The following CCDC102B variants were observed in gnomAD, a reference collection of about 807,000 sequenced individuals.
CCDC102B encodes the protein coiled-coil domain containing 102B, also known as coiled-coil domain-containing protein 102B.
In CCDC102B, 75 loss-of-function variants were observed where a neutral mutation model predicts 57.4. That is an observed-to-expected ratio of 1.31 (90% CI 1.08 to 1.58). The LOEUF (loss-of-function observed/expected upper bound fraction) is 1.58, where lower values mean the gene tolerates loss of function less well. CCDC102B is among the 40% of genes most tolerant of loss of function. CCDC102B has a pLI of 0.00. For synonymous variants in CCDC102B, 206 were observed against 201.9 expected, an observed-to-expected ratio of 1.02 and a Z score of -0.17; for missense variants, 636 against 582.6, an observed-to-expected ratio of 1.09 and a Z score of -0.94.
upstream of CCDC102B, among the ~76,000 whole-genome samples, chr18:68,796,032 T>TGAA (rs1232681793): frequency 6.6e-6 from 1 of 152,180 alleles, no homozygotes; most frequent in Admixed American, 6.5e-5. Context: ...CAATGTATTA[T>TGAA]GAAGAAGGGA....
At chr18:68,779,429 A>G (rs1301203929) in intron 2 of CCDC102B, among the ~76,000 whole-genome samples, 1 of 152,184 alleles carries the variant, frequency 6.6e-6, no homozygotes, top group Admixed American at 6.6e-5. Flanking sequence ...TTAGTACAAA[A>G]TTGCTTAAGG....
At chr18:68,978,550 C>T (rs1211870201) in intron 6 of CCDC102B, among the ~76,000 whole-genome samples, 1 of 151,838 alleles carries the variant, frequency 6.6e-6, no homozygotes, top group African/African-American at 2.4e-5. Flanking sequence ...ACACTTCAAA[C>T]TAAGAACAAA....
intron 2 of CCDC102B, among the ~76,000 whole-genome samples, chr18:68,718,304 T>C (rs2145179280): frequency 1.3e-5 from 2 of 152,320 alleles, no homozygotes; most frequent in Middle Eastern, 6.8e-3. Flanking sequence ...AGATAAATTG[T>C]GCTGTAATCC....
intron 2 of CCDC102B, among the ~76,000 whole-genome samples, chr18:68,721,974 G>A (rs2032354540): frequency 6.6e-6 from 1 of 152,184 alleles, no homozygotes. Context: ...CTACAACTAA[G>A]AAGATAATTC....
At chr18:68,783,445 C>A (rs1326807880) in intron 2 of CCDC102B, among the ~76,000 whole-genome samples, 2 of 152,150 alleles carry the variant, frequency 1.3e-5, no homozygotes, top group Non-Finnish European at 2.9e-5. Context: ...TAGACTCTGC[C>A]GTCCAAGCAG....
At chr18:68,742,600 A>G (rs2033439434) in intron 2 of CCDC102B, among the ~76,000 whole-genome samples, 1 of 152,186 alleles carries the variant, frequency 6.6e-6, no homozygotes, top group Non-Finnish European at 1.5e-5. Flanking sequence ...CGTACTGTAA[A>G]TTTAATTGGT....
Position 69,032,409 on chromosome 18 carries a change from C to G in CCDC102B, c.1434+21305C>G, listed in dbSNP as rs375532268. 1.6e-4 allele frequency among the ~76,000 whole-genome samples: 24 copies of G among 152,228 alleles called. No individual in the cohort carries two copies. In the East Asian group the frequency reaches 1.9e-3, roughly 12 times the overall value. On this transcript the variant is annotated intron_variant, in intron 7 of 7. Coordinates refer to ENST00000360242, the MANE Select transcript of CCDC102B (RefSeq NM_024781.3). The stretch of plus-strand genomic sequence containing the variant: ...TATTATCTGACAATATTTTGTCTTC[C>G]TTTGGTGTTGGACAATAGTGTTATT...
chr18:69,029,999 G>A (rs2052096026), intron 7 of CCDC102B, among the ~76,000 whole-genome samples: 1 of 152,040 alleles, frequency 6.6e-6, no homozygotes, highest in African/African-American at 2.4e-5. Flanking sequence ...GTGATGTCTT[G>A]CAATTAAACC....
chr18:68,744,746 G>C (rs1439252000), intron 2 of CCDC102B, among the ~76,000 whole-genome samples: 1 of 152,174 alleles, frequency 6.6e-6, no homozygotes. Flanking sequence ...CAAGACCCCA[G>C]AGATGGTGGA....
chr18:68,784,190 T>C (rs567349), intron 2 of CCDC102B, among the ~76,000 whole-genome samples: 10,665 of 152,112 alleles, frequency 0.07, 714 homozygotes, highest in African/African-American at 0.17. Flanking sequence ...CACAGTTCTG[T>C]GGGCTGTGCA....
At chr18:68,975,968 G>A (rs767072888) in intron 6 of CCDC102B, among the ~76,000 whole-genome samples, 55 of 151,726 alleles carry the variant, frequency 3.6e-4, no homozygotes, top group Non-Finnish European at 7.7e-4. Flanking sequence ...CAATAATTGG[G>A]GTTTTACTTC....
intron 1 of CCDC102B, among the ~76,000 whole-genome samples, chr18:68,819,256 T>G (rs1210007426): frequency 6.6e-6 from 1 of 152,130 alleles, no homozygotes; most frequent in African/African-American, 2.4e-5. Flanking sequence ...TAGTGAGCAT[T>G]CTATTGGGAA....
chr18:68,724,837 G>A lies in CCDC102B; in HGVS notation c.-67+8243G>A, dbSNP rs189079742. ...CTGCCTGTTACCCAGTTCCAATGTC[G>A]CTTCCACATTTTCAGGTATCCTTAT... On this transcript the variant is annotated intron_variant, in intron 2 of 3. Coordinates refer to the CCDC102B transcript ENST00000578970. 7.4e-4 allele frequency among the ~76,000 whole-genome samples: 112 copies of A among 152,094 alleles called. No individual in the cohort carries two copies. In the East Asian group the frequency reaches 0.013, roughly 17 times the overall value.
chr18:68,790,069 G>C (rs992057503), intron 2 of CCDC102B, among the ~76,000 whole-genome samples: 2 of 147,738 alleles, frequency 1.4e-5, no homozygotes, highest in African/African-American at 5.2e-5. Context: ...TCAGCTGCAG[G>C]TCTGTTGGAA....
chr18:68,931,096 A>T (rs1345394907), intron 6 of CCDC102B, among the ~76,000 whole-genome samples: 1 of 151,886 alleles, frequency 6.6e-6, no homozygotes, highest in African/African-American at 2.4e-5. Context: ...TAACACTTTG[A>T]GTAGATAAAC....
At chr18:68,985,169 G>A (rs2050691290) in intron 6 of CCDC102B, among the ~76,000 whole-genome samples, 1 of 152,094 alleles carries the variant, frequency 6.6e-6, no homozygotes, top group Admixed American at 6.6e-5. Flanking sequence ...TTATTCCATG[G>A]AAGCATAAAG....
At chr18:68,978,542 A>C (rs984605499) in intron 6 of CCDC102B, among the ~76,000 whole-genome samples, 2 of 152,018 alleles carry the variant, frequency 1.3e-5, no homozygotes, top group Non-Finnish European at 2.9e-5. Flanking sequence ...AAATATTTAC[A>C]CTTCAAACTA....
intron 1 of CCDC102B, among the ~76,000 whole-genome samples, chr18:68,805,031 G>C (rs530680534): frequency 6.6e-6 from 1 of 152,066 alleles, no homozygotes; most frequent in Admixed American, 6.5e-5. Flanking sequence ...CAAATGGGAA[G>C]TTTGGTGTTA....
intron 6 of CCDC102B, among the ~76,000 whole-genome samples, chr18:68,929,248 A>T (rs967882210): frequency 6.6e-6 from 1 of 151,914 alleles, no homozygotes; most frequent in African/African-American, 2.4e-5. Context: ...TCCACACAGC[A>T]GGGGTGTTGA....
Sources: allele counts gnomAD v4.1 joint callset (sites outside exome capture counted in the v4.1 genomes callset), GRCh38; gene constraint gnomAD v4.1.1; transcripts MANE v1.5; gene names NCBI Gene and HGNC (gene_info 2026-07-23, HGNC 2026-07-21).